ITGA9: variants seen among roughly 807,000 people sequenced by gnomAD.
The protein encoded by ITGA9 is integrin subunit alpha 9.
A neutral mutation model predicts 127.8 loss-of-function variants in ITGA9; 56 were observed. The observed-to-expected ratio is 0.44, with a 90% CI of 0.35 to 0.55. The LOEUF (loss-of-function observed/expected upper bound fraction) is 0.55, where lower values mean the gene tolerates loss of function less well. ITGA9 is among the 20% of genes least tolerant of loss of function. The pLI, the probability that ITGA9 is intolerant of heterozygous loss-of-function variation, is 0.00. For synonymous variants in ITGA9, 508 were observed against 514.5 expected, an observed-to-expected ratio of 0.99 and a Z score of 0.17; for missense variants, 1,196 against 1,347.1, an observed-to-expected ratio of 0.89 and a Z score of 1.76.
intron 24 of ITGA9, 30 bp from the exon 25 acceptor site, chr3:37,779,872 A>G (rs777316383): frequency 6.2e-7 from 1 of 1,612,790 alleles, no homozygotes; most frequent in Non-Finnish European, 8.5e-7. Flanking sequence ...TCTTAATTCC[A>G]TTGGAAATTT....
intron 1 of ITGA9, among the ~76,000 whole-genome samples, chr3:37,467,878 C>G (rs1308909327): frequency 6.6e-6 from 1 of 152,198 alleles, no homozygotes; most frequent in African/African-American, 2.4e-5. Context: ...CCTGTGAAAA[C>G]AGCTGGTCTT....
intron 18 of ITGA9, among the ~76,000 whole-genome samples, chr3:37,684,985 C>G (rs1700768439): frequency 6.6e-6 from 1 of 152,156 alleles, no homozygotes; most frequent in African/African-American, 2.4e-5. Flanking sequence ...AACAAGTGGA[C>G]AAAAGTCGAC....
intron 27 of ITGA9, among the ~76,000 whole-genome samples, chr3:37,813,509 A>G (rs891221690): frequency 6.6e-6 from 1 of 152,222 alleles, no homozygotes; most frequent in Non-Finnish European, 1.5e-5. Context: ...TTGACATTCT[A>G]TTAGAAAATG....
At chr3:37,720,079 A>G (rs2125683133) in intron 18 of ITGA9, among the ~76,000 whole-genome samples, 1 of 152,322 alleles carries the variant, frequency 6.6e-6, no homozygotes, top group South Asian at 2.1e-4. Flanking sequence ...CTTCTAACTC[A>G]TCAGGTCTAG....
At chr3:37,732,212 C>T (rs775738271) in intron 18 of ITGA9, among the ~76,000 whole-genome samples, 3 of 152,160 alleles carry the variant, frequency 2.0e-5, no homozygotes, top group Non-Finnish European at 2.9e-5. Context: ...CTTGTACCCT[C>T]CCCACACCCT....
At chr3:37,624,200 CTTTTTT>C (rs58307041) in intron 15 of ITGA9, among the ~76,000 whole-genome samples, 8 of 85,764 alleles carry the variant, frequency 9.3e-5, no homozygotes, top group African/African-American at 3.0e-4. Context: ...AAAAAAAACC[CTTTTTT>C]TTTTTTTTTT....
At chr3:37,472,627 C>G (rs542616635) in intron 2 of ITGA9, among the ~76,000 whole-genome samples, 1 of 152,022 alleles carries the variant, frequency 6.6e-6, no homozygotes, top group Non-Finnish European at 1.5e-5. Flanking sequence ...AACTTCTGGC[C>G]TCAAGTGAAC....
At chr3:37,735,431 C>T (rs1696348074) in intron 19 of ITGA9, among the ~76,000 whole-genome samples, 1 of 152,092 alleles carries the variant, frequency 6.6e-6, no homozygotes, top group Non-Finnish European at 1.5e-5. Flanking sequence ...TGTAATGGAC[C>T]AATGTCCGTT....
chr3:37,631,049 T>A (rs1700225956), intron 16 of ITGA9, among the ~76,000 whole-genome samples: 1 of 152,184 alleles, frequency 6.6e-6, no homozygotes, highest in Non-Finnish European at 1.5e-5. Context: ...CAGTAAAGCA[T>A]GGTATTATGG....
At chr3:37,739,192 G>A (rs919102466) in intron 20 of ITGA9, among the ~76,000 whole-genome samples, 1 of 152,180 alleles carries the variant, frequency 6.6e-6, no homozygotes, top group African/African-American at 2.4e-5. Flanking sequence ...GGGCACATGA[G>A]AAAATGACAG....
At chr3:37,496,631 A>C (rs1698733230) in intron 5 of ITGA9, among the ~76,000 whole-genome samples, 1 of 152,146 alleles carries the variant, frequency 6.6e-6, no homozygotes, top group South Asian at 2.1e-4. Context: ...AAACAGGAAA[A>C]ATATCATGGT....
In ITGA9 at chr3:37,482,350, C is replaced by T. The variant is rs981759991; in HGVS notation, c.544+743C>T. 3.9e-5 allele frequency among the ~76,000 whole-genome samples: 6 copies of T among 152,184 alleles called. 1 individual carries two copies. In the East Asian group the frequency reaches 9.6e-4, roughly 24 times the overall value. ...TTAGAACCTTCAAATGCCTGGGCAT[C>T]GAGGACAGTCACTAATAGTGATTGA... On this transcript the variant is annotated intron_variant, in intron 4 of 27. Coordinates refer to ENST00000264741, the MANE Select transcript of ITGA9 (RefSeq NM_002207.3).
At chr3:37,602,616 G>A (rs1002858704) in intron 15 of ITGA9, among the ~76,000 whole-genome samples, 2 of 151,272 alleles carry the variant, frequency 1.3e-5, no homozygotes, top group South Asian at 4.2e-4. Context: ...TTTATTTTTT[G>A]CATTTCTTGA....
intron 15 of ITGA9, among the ~76,000 whole-genome samples, chr3:37,558,951 A>G (rs1452446189): frequency 6.6e-6 from 1 of 152,140 alleles, no homozygotes; most frequent in African/African-American, 2.4e-5. Context: ...GCTCCCTCAC[A>G]TCTGAGCTGT....
At chr3:37,767,890 A>G (rs1012505492) in intron 23 of ITGA9, among the ~76,000 whole-genome samples, 1 of 152,228 alleles carries the variant, frequency 6.6e-6, no homozygotes, top group Non-Finnish European at 1.5e-5. Flanking sequence ...GGTGATGCAC[A>G]CACGAGTAGC....
At chr3:37,577,572 A>G (rs979662852) in intron 15 of ITGA9, among the ~76,000 whole-genome samples, 1 of 152,218 alleles carries the variant, frequency 6.6e-6, no homozygotes, top group Non-Finnish European at 1.5e-5. Flanking sequence ...TGATGGCTGG[A>G]AAGATTAAGT....
chr3:37,778,617 CAA>C (rs1263847294), intron 24 of ITGA9, among the ~76,000 whole-genome samples: 12 of 125,156 alleles, frequency 9.6e-5, no homozygotes, highest in African/African-American at 9.0e-5. Flanking sequence ...GACTCTGTCT[CAA>C]AAAAAAAAAA....
chr3:37,728,090 CA>C (rs1696237404), intron 18 of ITGA9, among the ~76,000 whole-genome samples: 1 of 152,228 alleles, frequency 6.6e-6, no homozygotes, highest in African/African-American at 2.4e-5. Context: ...TCCGCGTTCC[CA>C]GTCAGCTAAG....
chr3:37,683,937 C>A lies in ITGA9; in HGVS notation c.1989C>A (p.Asn663Lys). ...TCTCCCTAAACATCTCTATCTCCAA[C>A]CTCGGAGATGATGCCTATGATGCCA... ...KNISLNISIS[N>K]LGDDAYDANV... The change falls in exon 18 of 28, where the codon AAC (asparagine) becomes AAA (lysine). Residue 663 changes from asparagine to lysine, a missense_variant. By Grantham distance (94) the Asn-to-Lys change is moderately conservative. Coordinates refer to ENST00000264741, the MANE Select transcript of ITGA9 (RefSeq NM_002207.3). 1 of 1,613,128 alleles carries A rather than the reference C, an allele frequency of 6.2e-7. No individual in the cohort carries two copies. The highest frequency in any genetic ancestry group is 1.1e-5 in the South Asian group (1 of 91,048).
Sources: gnomAD v4.1 joint callset for allele counts (sites outside exome capture counted in the v4.1 genomes callset) on GRCh38, gnomAD v4.1.1 for gene constraint, MANE v1.5 for transcripts, NCBI Gene and HGNC (gene_info 2026-07-23, HGNC 2026-07-21) for gene names.